SLC22A3: variants seen among roughly 807,000 people sequenced by gnomAD.
SLC22A3 encodes the protein solute carrier family 22 member 3, also known as EMT organic cation transporter 3.
Under a neutral mutation model 59.1 loss-of-function variants are expected in SLC22A3, and 51 were observed. The ratio of observed to expected loss-of-function variants is 0.86; its 90% CI spans 0.69 to 1.09. The LOEUF is 1.09. SLC22A3 is among the 50% of genes least tolerant of loss of function. The probability of loss-of-function intolerance (pLI) is 0.00; values close to 1 mark genes in which losing one functional copy is unlikely to be tolerated. For synonymous variants in SLC22A3, 325 were observed against 292.0 expected (o/e 1.11, Z -1.15); for missense variants, 711 against 726.3 (o/e 0.98, Z 0.24).
intron 1 of SLC22A3, among the ~76,000 whole-genome samples, chr6:160,366,814 C>T (rs1436649256): frequency 1.3e-5 from 2 of 152,220 alleles, no homozygotes; most frequent in Admixed American, 6.5e-5. Context: ...GAGACCTCCT[C>T]AGCCTGGATT....
intron 2 of SLC22A3, among the ~76,000 whole-genome samples, chr6:160,403,853 A>G: frequency 6.6e-6 from 1 of 152,146 alleles, no homozygotes; most frequent in South Asian, 2.1e-4. Context: ...AGTATTTGTC[A>G]AAATCCAACA....
chr6:160,402,490 A>C (rs1282883546), intron 2 of SLC22A3, among the ~76,000 whole-genome samples: 2 of 151,864 alleles, frequency 1.3e-5, no homozygotes, highest in Non-Finnish European at 3.0e-5. Flanking sequence ...ACAGGTAAAA[A>C]ACCTATAAAG....
intron 5 of SLC22A3, among the ~76,000 whole-genome samples, chr6:160,434,301 T>C (rs1355707437): frequency 6.6e-6 from 1 of 152,264 alleles, no homozygotes; most frequent in African/African-American, 2.4e-5. Flanking sequence ...TAAAAATATT[T>C]AGATGTGGCC....
chr6:160,348,956 G>C (rs1430003810), intron 1 of SLC22A3, 108 bp downstream of exon 1: 6 of 1,527,018 alleles, frequency 3.9e-6, no homozygotes, highest in Non-Finnish European at 5.2e-6. Flanking sequence ...CGGTGGAGAC[G>C]GGGACCGGTC....
Position 160,410,811 on chromosome 6 carries a change from T to A in SLC22A3, c.940T>A (p.Cys314Ser), listed in dbSNP as rs1787216934. ...ACAGATCCTGAGACGCATTGCTAAG[T>A]GCAATGGGAAATACCTCTCATCAAA... ...ALQILRRIAK[C>S]NGKYLSSNYS... Residue 314 changes from cysteine to serine, a missense_variant, in exon 5 of 11, where the codon TGC (cysteine) becomes AGC (serine). By Grantham distance (112) the Cys-to-Ser change is moderately radical. Coordinates refer to ENST00000275300, the MANE Select transcript of SLC22A3 (RefSeq NM_021977.4). The A allele has an allele frequency of 1.2e-6, 2 of 1,610,674 alleles. No homozygotes were observed. Among genetic ancestry groups the A allele is most frequent in the Non-Finnish European group, 1.7e-6 (2 of 1,177,138 alleles).
intron 7 of SLC22A3, among the ~76,000 whole-genome samples, chr6:160,438,152 T>C (rs1286442233): frequency 6.6e-6 from 1 of 152,148 alleles, no homozygotes. Flanking sequence ...GTTAAATTTT[T>C]CAGAGCTCCA....
At chr6:160,411,936 A>G (rs1787268788) in intron 5 of SLC22A3, among the ~76,000 whole-genome samples, 1 of 152,268 alleles carries the variant, frequency 6.6e-6, no homozygotes, top group African/African-American at 2.4e-5. Context: ...AAAGGTTGTT[A>G]TAAAAGGAAT....
intron 8 of SLC22A3, among the ~76,000 whole-genome samples, chr6:160,443,075 A>G (rs1042187625): frequency 6.6e-6 from 1 of 152,232 alleles, no homozygotes; most frequent in African/African-American, 2.4e-5. Flanking sequence ...AGTATTTCTC[A>G]TATTAATATC....
At chr6:160,373,304 A>T (rs1457266682) in intron 1 of SLC22A3, among the ~76,000 whole-genome samples, 2 of 152,136 alleles carry the variant, frequency 1.3e-5, no homozygotes, top group African/African-American at 2.4e-5. Context: ...GGTCCACTTT[A>T]GACCTTGTTT....
chr6:160,352,908 C>T (rs770761877), intron 1 of SLC22A3, among the ~76,000 whole-genome samples: 28 of 152,128 alleles, frequency 1.8e-4, no homozygotes, highest in Non-Finnish European at 3.2e-4. Flanking sequence ...TGCAACCTTG[C>T]CCCCCGGGTT....
At chr6:160,430,526 G>A (rs1248389451) in intron 5 of SLC22A3, among the ~76,000 whole-genome samples, 1 of 152,174 alleles carries the variant, frequency 6.6e-6, no homozygotes, top group Non-Finnish European at 1.5e-5. Flanking sequence ...ATCAAAGAAA[G>A]ACGAATAAAG....
At chr6:160,412,914 A>T (rs1439490577) in intron 5 of SLC22A3, among the ~76,000 whole-genome samples, 2 of 152,176 alleles carry the variant, frequency 1.3e-5, no homozygotes, top group Non-Finnish European at 2.9e-5. Context: ...ATATAGAAAA[A>T]TAGGATCATA....
intron 5 of SLC22A3, among the ~76,000 whole-genome samples, chr6:160,421,709 A>G (rs1567437): frequency 6.6e-6 from 1 of 152,054 alleles, no homozygotes; most frequent in African/African-American, 2.4e-5. Flanking sequence ...GTAGGCATCT[A>G]ATTTGATTAT....
chr6:160,425,065 A>C (rs1787897266), intron 5 of SLC22A3, among the ~76,000 whole-genome samples: 1 of 152,180 alleles, frequency 6.6e-6, no homozygotes, highest in Non-Finnish European at 1.5e-5. Context: ...GATGTCAACT[A>C]AGTGAAATAT....
At chr6:160,379,915 A>C (rs528614586) in intron 1 of SLC22A3, among the ~76,000 whole-genome samples, 1 of 152,284 alleles carries the variant, frequency 6.6e-6, no homozygotes, top group African/African-American at 2.4e-5. Flanking sequence ...TAAAACTCCT[A>C]ATTATTTCAG....
At chr6:160,406,987 A>G in intron 2 of SLC22A3, 54 bp from the exon 3 acceptor site, 1 of 1,586,580 alleles carries the variant, frequency 6.3e-7, no homozygotes, top group Non-Finnish European at 8.6e-7. Context: ...ATATTTTCCC[A>G]TTGTGTTGAA....
chr6:160,435,602 G>A (rs1202824465), intron 5 of SLC22A3, among the ~76,000 whole-genome samples: 3 of 152,130 alleles, frequency 2.0e-5, no homozygotes, highest in Non-Finnish European at 2.9e-5. Context: ...TGATTGACAA[G>A]GTACTATCAG....
chr6:160,401,875 A>C (rs557279563), intron 2 of SLC22A3, among the ~76,000 whole-genome samples: 1 of 152,070 alleles, frequency 6.6e-6, no homozygotes, highest in South Asian at 2.1e-4. Context: ...AAAAAGCATG[A>C]CTGATATGCT....
chr6:160,424,448 T>C (rs1330070542), intron 5 of SLC22A3, among the ~76,000 whole-genome samples: 1 of 152,142 alleles, frequency 6.6e-6, no homozygotes, highest in Admixed American at 6.5e-5. Flanking sequence ...TAATCAGACA[T>C]CCTCATACTC....
Sources: gnomAD v4.1 joint callset for allele counts (sites outside exome capture counted in the v4.1 genomes callset) on GRCh38, gnomAD v4.1.1 for gene constraint, MANE v1.5 for transcripts, NCBI Gene and HGNC (gene_info 2026-07-23, HGNC 2026-07-21) for gene names.